MINAR1: variants seen among roughly 807,000 people sequenced by gnomAD.
The protein encoded by MINAR1 is membrane integral NOTCH2 associated receptor 1.
Under a neutral mutation model 65.1 loss-of-function variants are expected in MINAR1, and 40 were observed. That is an observed-to-expected ratio of 0.61 (90% CI 0.48 to 0.80). MINAR1 has a LOEUF of 0.80. Among genes scored for constraint, MINAR1 ranks in the 30% least tolerant of loss-of-function variants. MINAR1 has a pLI of 0.00. For missense variants in MINAR1, 1,128 were observed against 1,148.0 expected, an observed-to-expected ratio of 0.98 and a Z score of 0.25; for synonymous variants, 482 against 449.1, an observed-to-expected ratio of 1.07 and a Z score of -0.93.
the MINAR1 span, chr15:79,423,465 A>C: frequency 4.6e-5 from 7 of 152,292 alleles, no homozygotes; most frequent in African/African-American, 1.4e-4. Context: ...ATTATTACCT[A>C]TTCAAAACAA....
At chr15:79,413,021 C>G in the MINAR1 span, 6 of 152,066 alleles carry the variant, frequency 3.9e-5, no homozygotes, top group Non-Finnish European at 8.8e-5. Context: ...ATAACACAAG[C>G]AAACCCTCAA....
chr15:79,458,711 G>A (rs978606469), intron 2 of MINAR1, among the ~76,000 whole-genome samples: 1 of 152,184 alleles, frequency 6.6e-6, no homozygotes, highest in African/African-American at 2.4e-5. Context: ...CATTAGACAG[G>A]TGGTGTGAGA....
chr15:79,461,477 C>T (rs546964443), intron 2 of MINAR1, among the ~76,000 whole-genome samples: 2 of 152,350 alleles, frequency 1.3e-5, no homozygotes, highest in South Asian at 4.1e-4. Flanking sequence ...CAGCTTGGTG[C>T]AGACTCTGCA....
At chr15:79,462,543 T>C (rs966015247) in intron 2 of MINAR1, among the ~76,000 whole-genome samples, 1 of 152,218 alleles carries the variant, frequency 6.6e-6, no homozygotes, top group African/African-American at 2.4e-5. Flanking sequence ...GCTTTCTGAC[T>C]CAGCTTCTTC....
chr15:79,422,670 G>T, the MINAR1 span: 1 of 152,122 alleles, frequency 6.6e-6, no homozygotes, highest in African/African-American at 2.4e-5. Flanking sequence ...AACATTCACT[G>T]GAAAAATGTT....
At chr15:79,447,649 G>A (rs1014624520) in intron 1 of MINAR1, among the ~76,000 whole-genome samples, 1 of 151,924 alleles carries the variant, frequency 6.6e-6, no homozygotes, top group Admixed American at 6.5e-5. Context: ...TTTTGCTCTT[G>A]TTTCTGCTTG....
At position 79,471,050 on chromosome 15, in the gene MINAR1, T is replaced by A. The variant is rs1027437909; in HGVS notation, c.*2666T>A. ...TCCCCTATTCCCTCAGTTTGCAGAATGAGCAAGATAGAGTCTGGCTAGGAG... is the reference window on the plus strand; with the variant it reads ...TCCCCTATTCCCTCAGTTTGCAGAAAGAGCAAGATAGAGTCTGGCTAGGAG... On this transcript the variant is annotated 3_prime_UTR_variant, in exon 4 of 4. Coordinates refer to ENST00000305428, the MANE Select transcript of MINAR1 (RefSeq NM_015206.3). 1 of 152,132 alleles carries A rather than the reference T, an allele frequency of 6.6e-6. No individual in the cohort carries two copies. Among genetic ancestry groups the A allele is most frequent in the Non-Finnish European group, 1.5e-5 (1 of 68,036 alleles). The allele number at this position is 152,132 out of a possible 1,614,324, so 9.4% of individuals were successfully genotyped here. A position where few individuals can be genotyped will look rare whatever the true frequency, so the allele number is the denominator to read the frequency against.
upstream of MINAR1, among the ~76,000 whole-genome samples, chr15:79,432,306 C>A (rs1427114319): frequency 2.1e-5 from 1 of 47,672 alleles, no homozygotes; most frequent in African/African-American, 1.6e-4. Context: ...AGGTGGGCGC[C>A]GCGCGTGTGA....
chr15:79,463,825 C>T (rs1448779742), intron 3 of MINAR1: 2 of 449,494 alleles, frequency 4.4e-6, no homozygotes, highest in East Asian at 1.4e-4. Context: ...TTTTGTTCAC[C>T]CACAAGCAGG....
intron 3 of MINAR1, chr15:79,463,775 C>T (rs987177580): frequency 3.1e-5 from 14 of 457,084 alleles, no homozygotes; most frequent in East Asian, 6.9e-5. Context: ...GAGCCATCCC[C>T]GGAAGCTCTG....
intron 1 of MINAR1, among the ~76,000 whole-genome samples, chr15:79,436,796 C>A (rs995149988): frequency 6.6e-6 from 1 of 152,192 alleles, no homozygotes; most frequent in Non-Finnish European, 1.5e-5. Context: ...TGCCCTTAGC[C>A]AATGGGAGCT....
chr15:79,457,688 T>A lies in MINAR1; in HGVS notation c.1541T>A (p.Val514Asp), dbSNP rs1895483819. The change falls in exon 2 of 4, where the codon GTC (valine) becomes GAC (aspartate). Residue 514 changes from valine (V) to aspartate (D), a missense_variant. Val to Asp is a radical substitution (Grantham distance 152). Transcript: ENST00000305428. ...CACTCAGACGATGACTCAGAAATTG[T>A]CAGCGACGACATCAGTGACATTTTC... ...MKHSDDDSEI[V>D]SDDISDIFRF... 1 of 1,614,032 alleles carries A rather than the reference T, an allele frequency of 6.2e-7. No homozygotes were observed. The highest frequency in any genetic ancestry group is 1.3e-5 in the African/African-American group (1 of 74,908).
intron 2 of MINAR1, among the ~76,000 whole-genome samples, chr15:79,458,666 C>T (rs182371363): frequency 6.6e-4 from 100 of 152,252 alleles, no homozygotes; most frequent in African/African-American, 2.3e-3. Context: ...GCACATGCTG[C>T]GATATTGCTG....
rs137883035 is a variant in MINAR1, at chr15:79,458,710, G to C, written c.2298+265G>C. ...ACGTAGGGTTGGGATTCATTAGACA[G>C]GTGGTGTGAGAACAGATTTTCATAG... On this transcript the variant is annotated intron_variant, in intron 2 of 3. Coordinates refer to ENST00000305428, the MANE Select transcript of MINAR1 (RefSeq NM_015206.3). 1.6e-3 allele frequency among the ~76,000 whole-genome samples: 245 copies of C among 152,322 alleles called. 1 individual carries two copies. Among genetic ancestry groups the C allele is most frequent in the African/African-American group, 5.4e-3 (223 of 41,564 alleles).
upstream of MINAR1, among the ~76,000 whole-genome samples, chr15:79,430,086 C>CT: frequency 6.6e-6 from 1 of 152,238 alleles, no homozygotes; most frequent in African/African-American, 2.4e-5. Context: ...GTAAACACCA[C>CT]TAGCCAACTC....
At chr15:79,454,406 G>C (rs138473395) in intron 1 of MINAR1, among the ~76,000 whole-genome samples, 1 of 152,142 alleles carries the variant, frequency 6.6e-6, no homozygotes, top group South Asian at 2.1e-4. Context: ...TTAGAAAATG[G>C]GTTGGGTACA....
the MINAR1 span, chr15:79,421,087 A>G: frequency 6.6e-6 from 1 of 152,254 alleles, no homozygotes; most frequent in Non-Finnish European, 1.5e-5. Context: ...AAATAACATC[A>G]GTTAAAATAA....
At chr15:79,441,802 C>G (rs759895925) in intron 1 of MINAR1, among the ~76,000 whole-genome samples, 1 of 151,964 alleles carries the variant, frequency 6.6e-6, no homozygotes, top group African/African-American at 2.4e-5. Flanking sequence ...AGTCAGAACC[C>G]TTAGTCTTTA....
At chr15:79,435,225 G>A (rs1894562787) in intron 1 of MINAR1, among the ~76,000 whole-genome samples, 1 of 150,904 alleles carries the variant, frequency 6.6e-6, no homozygotes, top group Non-Finnish European at 1.5e-5. Flanking sequence ...GCGGTGAGCC[G>A]AGATCATGCC....
Sources: allele counts gnomAD v4.1 joint callset (sites outside exome capture counted in the v4.1 genomes callset), GRCh38; gene constraint gnomAD v4.1.1; transcripts MANE v1.5; gene names NCBI Gene and HGNC (gene_info 2026-07-23, HGNC 2026-07-21).